The following NCOR1 variants were observed in gnomAD, a reference collection of about 807,000 sequenced individuals.
NCOR1 encodes the protein nuclear receptor corepressor 1.
NCOR1 carries 63 observed loss-of-function variants against 288.1 expected under a neutral mutation model. That is an observed-to-expected ratio of 0.22 (90% CI 0.18 to 0.27). NCOR1 has a LOEUF of 0.27. Among genes scored for constraint, NCOR1 ranks in the 10% least tolerant of loss-of-function variants. The pLI, the probability that NCOR1 is intolerant of heterozygous loss-of-function variation, is 1.00. For synonymous variants in NCOR1, 1,007 were observed against 1,065.9 expected, an observed-to-expected ratio of 0.94 and a Z score of 1.08; for missense variants, 2,397 against 3,019.2, an observed-to-expected ratio of 0.79 and a Z score of 4.83.
intron 6 of NCOR1, among the ~76,000 whole-genome samples, chr17:16,154,486 CT>C (rs888649137): frequency 1.1e-4 from 16 of 152,116 alleles, no homozygotes; most frequent in African/African-American, 3.9e-4. Flanking sequence ...GAAAATGATA[CT>C]TGAACTGGGG....
chr17:16,059,274 G>A (rs533970579), intron 37 of NCOR1, among the ~76,000 whole-genome samples: 74 of 152,108 alleles, frequency 4.9e-4, no homozygotes, highest in Admixed American at 9.8e-4. Flanking sequence ...TTAGAAAAAC[G>A]CTGAGGCTAT....
At chr17:16,063,065 T>C (rs1342172203) in intron 35 of NCOR1, among the ~76,000 whole-genome samples, 1 of 152,146 alleles carries the variant, frequency 6.6e-6, no homozygotes, top group Non-Finnish European at 1.5e-5. Flanking sequence ...GCTAGCTGTT[T>C]TATGTTTTAG....
intron 37 of NCOR1, 27 bp from the exon 38 acceptor site, chr17:16,058,626 A>C (rs760316002): frequency 2.4e-5 from 38 of 1,582,314 alleles, no homozygotes; most frequent in Admixed American, 1.3e-4. Context: ...TCTTATTTCA[A>C]AACTAATCCC....
At chr17:16,198,748 T>G (rs2090306987) in intron 1 of NCOR1, 1 of 152,058 alleles carries the variant, frequency 6.6e-6, no homozygotes, top group African/African-American at 2.4e-5. Context: ...AAAGAGTATT[T>G]CACTATATGA....
rs143066427 is a variant in NCOR1, at chr17:16,171,814, C to G, written c.424G>C (p.Asp142His). The change falls in exon 4 of 46, where the codon GAT becomes CAT. Residue 142 changes from aspartate (D) to histidine (H), a missense_variant. Transcript: ENST00000268712. ...GAACAAATATTTACCTTCTTAGCAT[C>G]TGCAGAAGCCCTCAGCCCTTCTGGC... ...PLPEGLRASA[D>H]AKKDPAFGGK... is the part of the protein sequence containing the mutation. The G allele has an allele frequency of 1.9e-6, 3 of 1,593,046 alleles. No individual in the cohort carries two copies. The highest frequency in any genetic ancestry group is 2.7e-5 in the African/African-American group (2 of 73,604).
chr17:16,084,614 T>C (rs1187241383), intron 23 of NCOR1, among the ~76,000 whole-genome samples: 2 of 152,126 alleles, frequency 1.3e-5, no homozygotes, highest in Admixed American at 6.6e-5. Context: ...GACAAAACGA[T>C]GAACAAGTAG....
At chr17:16,128,674 T>A (rs190122651) in intron 14 of NCOR1, among the ~76,000 whole-genome samples, 13 of 152,370 alleles carry the variant, frequency 8.5e-5, no homozygotes, top group Admixed American at 6.5e-4. Flanking sequence ...CAACTCTACC[T>A]GTCCTCTTAC....
At chr17:16,156,313 G>A (rs1307912622) in intron 6 of NCOR1, among the ~76,000 whole-genome samples, 2 of 151,956 alleles carry the variant, frequency 1.3e-5, no homozygotes, top group Non-Finnish European at 2.9e-5. Flanking sequence ...GCTCACACCT[G>A]TAATCCCAGT....
chr17:16,073,603 G>A, intron 27 of NCOR1, 34 bp from the exon 28 acceptor site: 2 of 1,549,954 alleles, frequency 1.3e-6, no homozygotes, highest in Non-Finnish European at 1.7e-6. Flanking sequence ...TGCTCAGACG[G>A]AGCACATGGT....
rs554208779 is a variant in NCOR1 at position 16,214,209 on chromosome 17, T to G, written c.-71+1153A>C. The stretch of plus-strand genomic sequence containing the variant: ...CAAGTTGGTTCATCCAATAAATATC[T>G]TCATGAAAAGGTACATCAAAACATT... On this transcript the variant is annotated intron_variant, in intron 1 of 45. Transcript: ENST00000268712. Among the ~76,000 whole-genome samples, 301 of 152,308 alleles carry G rather than the reference T, an allele frequency of 2.0e-3. 1 individual carries two copies. Among genetic ancestry groups the G allele is most frequent in the Non-Finnish European group, 3.6e-3 (248 of 68,026 alleles).
At chr17:16,164,903 AT>A (rs2081698532) in intron 5 of NCOR1, 75 bp downstream of exon 5, 1 of 1,088,714 alleles carries the variant, frequency 9.2e-7, no homozygotes, top group Non-Finnish European at 1.3e-6. Context: ...AAGTTTCAAA[AT>A]ATGGAAAACT....
intron 2 of NCOR1, among the ~76,000 whole-genome samples, chr17:16,193,815 T>G (rs2089156860): frequency 6.6e-6 from 1 of 151,730 alleles, no homozygotes; most frequent in African/African-American, 2.4e-5. Flanking sequence ...TTCAAAGGAG[T>G]CCTCAGGAGG....
At chr17:16,102,560 C>A (rs1454141992) in intron 19 of NCOR1, among the ~76,000 whole-genome samples, 1 of 151,690 alleles carries the variant, frequency 6.6e-6, no homozygotes, top group Non-Finnish European at 1.5e-5. Flanking sequence ...ACTAAATCTT[C>A]AAAATCTGGT....
Position 16,079,955 on chromosome 17 carries a change from G to A in NCOR1, c.3501+9C>T, listed in dbSNP as rs780005727. The A allele has an allele frequency of 1.3e-5, 21 of 1,604,586 alleles. No individual in the cohort carries two copies. The highest frequency in any genetic ancestry group is 5.5e-5 in the South Asian group (5 of 90,824). ...TCTGTTGAGTATATCAGAGATGATCGTGACTAACCTGAGTGATAGAGCCCC... is the reference window on the plus strand; with the variant it reads ...TCTGTTGAGTATATCAGAGATGATCATGACTAACCTGAGTGATAGAGCCCC... On this transcript the variant is annotated intron_variant, in intron 26 of 45. Transcript: ENST00000268712.
At chr17:16,116,700 T>A (rs973539218) in intron 18 of NCOR1, among the ~76,000 whole-genome samples, 2 of 130,604 alleles carry the variant, frequency 1.5e-5, no homozygotes, top group Non-Finnish European at 3.4e-5. Flanking sequence ...GAGAGAACCA[T>A]CATATTTTGG....
At chr17:16,166,691 A>G (rs1033981361) in intron 4 of NCOR1, among the ~76,000 whole-genome samples, 3 of 152,018 alleles carry the variant, frequency 2.0e-5, no homozygotes, top group African/African-American at 7.2e-5. Context: ...AAAAAAAAGA[A>G]AAAAAAATCA....
intron 1 of NCOR1, among the ~76,000 whole-genome samples, chr17:16,206,329 T>C (rs1384653673): frequency 6.6e-6 from 1 of 150,426 alleles, no homozygotes; most frequent in Admixed American, 6.6e-5. Context: ...CAGCTTTGTT[T>C]TTCTGGCCAA....
At chr17:16,206,827 G>T (rs1182478843) in intron 1 of NCOR1, among the ~76,000 whole-genome samples, 1 of 152,084 alleles carries the variant, frequency 6.6e-6, no homozygotes, top group Non-Finnish European at 1.5e-5. Context: ...TAGAAAATTA[G>T]ACAAACACAG....
intron 22 of NCOR1, chr17:16,087,416 C>G (rs2064416249): frequency 9.8e-7 from 1 of 1,021,778 alleles, no homozygotes; most frequent in African/African-American, 1.7e-5. Context: ...AAGGACCAAG[C>G]CCACACCATC....
Sources: gnomAD v4.1 joint callset for allele counts (sites outside exome capture counted in the v4.1 genomes callset) on GRCh38, gnomAD v4.1.1 for gene constraint, MANE v1.5 for transcripts, NCBI Gene and HGNC (gene_info 2026-07-23, HGNC 2026-07-21) for gene names.